DCAF10: variants seen among roughly 807,000 people sequenced by gnomAD.
DCAF10 encodes the protein DDB1- and CUL4-associated factor 10.
A neutral mutation model predicts 51.9 loss-of-function variants in DCAF10; 19 were observed. The ratio of observed to expected loss-of-function variants is 0.37; its 90% CI spans 0.26 to 0.54. DCAF10 has a LOEUF of 0.54. DCAF10 is among the 20% of genes least tolerant of loss of function. The pLI is 0.87. For synonymous variants in DCAF10, 291 were observed against 297.1 expected (o/e 0.98, Z 0.21); for missense variants, 510 against 730.6 (o/e 0.70, Z 3.48).
intron 2 of DCAF10, among the ~76,000 whole-genome samples, chr9:37,830,169 A>G (rs986441354): frequency 2.0e-5 from 3 of 152,240 alleles, no homozygotes; most frequent in Non-Finnish European, 4.4e-5. Context: ...CATACAATGA[A>G]ATACTATACA....
In DCAF10 at chr9:37,801,338, G is replaced by A. The variant is rs1480783221; in HGVS notation, c.472G>A (p.Ala158Thr). 5.7e-6 allele frequency: 9 copies of A among 1,584,472 alleles called. No individual in the cohort carries two copies. The highest frequency in any genetic ancestry group is 1.4e-5 in the African/African-American group (1 of 71,348). The change falls in exon 1 of 7, where the codon GCG becomes ACG. Residue 158 changes from alanine (A) to threonine (T), a missense_variant. This residue lies in a region of DCAF10 where 126 missense variants were observed against 271.5 expected (regional missense o/e 0.46). Transcript: ENST00000377724. This position sits in a 1 kb window ranked among gnomAD's most constrained non-coding sequence, Gnocchi z 5.5. ...MTSLYGSIHP[A>T]DSVYLSTRTH... ...TAGCCTCTACGGTTCCATCCACCCC[G>A]CGGACTCGGTGTACCTCAGCACCCG... is the stretch of plus-strand genomic sequence containing the variant.
chr9:37,849,909 A>C (rs141127494), intron 3 of DCAF10, among the ~76,000 whole-genome samples: 1 of 152,178 alleles, frequency 6.6e-6, no homozygotes, highest in Admixed American at 6.5e-5. Context: ...AATTTAAAAC[A>C]TTAGCCAGGT....
intron 2 of DCAF10, among the ~76,000 whole-genome samples, chr9:37,823,868 G>T (rs2117873965): frequency 1.4e-5 from 2 of 146,240 alleles, no homozygotes. Flanking sequence ...TTTATACTTA[G>T]AGCACATCTT....
chr9:37,816,659 G>GGGTGTGTGTGTGTGT (rs372664140), intron 1 of DCAF10, among the ~76,000 whole-genome samples: 1 of 144,890 alleles, frequency 6.9e-6, no homozygotes, highest in African/African-American at 2.5e-5. Flanking sequence ...CTGCACCTGG[G>GGGTGTGTGTGTGTGT]GTGTGTGTGT....
intron 3 of DCAF10, among the ~76,000 whole-genome samples, chr9:37,854,066 A>G (rs2118150917): frequency 6.6e-6 from 1 of 151,984 alleles, no homozygotes; most frequent in South Asian, 2.1e-4. Flanking sequence ...AGTAAAATTT[A>G]TTGGAAAGAC....
At chr9:37,808,661 A>T (rs10973560) in intron 1 of DCAF10, among the ~76,000 whole-genome samples, 2 of 51,156 alleles carry the variant, frequency 3.9e-5, no homozygotes, top group African/African-American at 1.5e-4. Flanking sequence ...ATAAAATATA[A>T]ATATATTATA....
intron 2 of DCAF10, among the ~76,000 whole-genome samples, chr9:37,820,025 GA>G (rs1400658588): frequency 1.3e-5 from 2 of 152,088 alleles, no homozygotes; most frequent in African/African-American, 4.8e-5. Flanking sequence ...AGATTAAAAG[GA>G]AATATTTTAA....
intron 2 of DCAF10, among the ~76,000 whole-genome samples, chr9:37,827,552 T>C (rs1829888739): frequency 1.3e-5 from 2 of 152,060 alleles, no homozygotes; most frequent in South Asian, 4.1e-4. Flanking sequence ...ATATTTCTAA[T>C]ATGTAGTTGA....
chr9:37,810,909 G>A (rs561553965), intron 1 of DCAF10, among the ~76,000 whole-genome samples: 30 of 152,222 alleles, frequency 2.0e-4, no homozygotes, highest in African/African-American at 6.3e-4. Context: ...AGAATCGACA[G>A]TACTCATGGG....
At chr9:37,834,635 C>T (rs1188149088) in intron 2 of DCAF10, among the ~76,000 whole-genome samples, 3 of 152,140 alleles carry the variant, frequency 2.0e-5, no homozygotes, top group African/African-American at 7.2e-5. Flanking sequence ...GTTTTAAATC[C>T]ATCTGTGCAT....
In DCAF10 at chr9:37,857,271, C is replaced by G. The variant is rs759480346; in HGVS notation, c.1085C>G (p.Pro362Arg). ...DLTTSSSSSG[P>R]RVSGSPCHHS... ...ACCACTTCATCAAGTTCATCTGGTCCTAGAGTTTCTGGCTCACCTTGTCAT... is the reference window on the plus strand; with the variant it reads ...ACCACTTCATCAAGTTCATCTGGTCGTAGAGTTTCTGGCTCACCTTGTCAT... The change falls in exon 5 of 7, where the codon CCT (proline) becomes CGT (arginine). Residue 362 changes from proline to arginine, a missense_variant. This residue lies in a region of DCAF10 where 126 missense variants were observed against 271.5 expected (regional missense o/e 0.46). Transcript: ENST00000377724. 15 of 1,607,746 alleles carry G rather than the reference C, an allele frequency of 9.3e-6. No homozygotes were observed. The highest frequency in any genetic ancestry group is 1.3e-5 in the African/African-American group (1 of 74,426).
At chr9:37,810,463 CTTTT>C (rs1051006264) in intron 1 of DCAF10, among the ~76,000 whole-genome samples, 15 of 147,838 alleles carry the variant, frequency 1.0e-4, no homozygotes, top group South Asian at 2.1e-4. Flanking sequence ...TTCTTTCTTT[CTTTT>C]TTTTTTTGAG....
At chr9:37,825,793 C>A (rs1829833013) in intron 2 of DCAF10, among the ~76,000 whole-genome samples, 1 of 151,916 alleles carries the variant, frequency 6.6e-6, no homozygotes, top group Admixed American at 6.6e-5. Context: ...CGGAGGCAGG[C>A]GGATCACCTG....
intron 2 of DCAF10, among the ~76,000 whole-genome samples, chr9:37,826,389 C>T (rs921571134): frequency 2.6e-5 from 4 of 152,148 alleles, no homozygotes; most frequent in Non-Finnish European, 2.9e-5. Flanking sequence ...GCTGGATAAG[C>T]CAAATGTTGG....
chr9:37,807,265 TGAGCTCGAGTTCAAGACCA>T (rs1326129781), intron 1 of DCAF10, among the ~76,000 whole-genome samples: 1 of 152,164 alleles, frequency 6.6e-6, no homozygotes, highest in Non-Finnish European at 1.5e-5. Context: ...GAGGATTGCT[TGAGCTCGAGTTCAAGACCA>T]GCTGGGGCAA....
intron 2 of DCAF10, 148 bp downstream of exon 2, chr9:37,819,549 C>A: frequency 1.8e-6 from 1 of 558,906 alleles, no homozygotes; most frequent in Non-Finnish European, 3.1e-6. Flanking sequence ...CCTTATAAAA[C>A]TAATCCTTTA....
At chr9:37,856,422 G>A (rs770454589) in intron 4 of DCAF10, among the ~76,000 whole-genome samples, 2 of 152,112 alleles carry the variant, frequency 1.3e-5, no homozygotes, top group Admixed American at 6.5e-5. Flanking sequence ...TGAATGTCTA[G>A]TTGGCCTATT....
At chr9:37,852,857 GTTA>G (rs1242936472) in intron 3 of DCAF10, among the ~76,000 whole-genome samples, 1 of 148,370 alleles carries the variant, frequency 6.7e-6, no homozygotes, top group East Asian at 2.1e-4. Flanking sequence ...ATTTACTGTT[GTTA>G]TTATATATAA....
intron 2 of DCAF10, chr9:37,832,222 CCGA>C (rs1830029349): frequency 6.6e-6 from 1 of 151,564 alleles, no homozygotes; most frequent in Non-Finnish European, 1.5e-5. Flanking sequence ...CCTTGGGACG[CCGA>C]GGTGGGCGGA....
Sources: allele counts gnomAD v4.1 joint callset (sites outside exome capture counted in the v4.1 genomes callset), GRCh38; gene constraint gnomAD v4.1.1; regional missense constraint gnomAD v4.1.1; non-coding constraint Gnocchi (gnomAD v3.1); transcripts MANE v1.5; gene names NCBI Gene and HGNC (gene_info 2026-07-23, HGNC 2026-07-21).